Variants in GLIS3 observed in about 807,000 individuals in gnomAD.
GLIS3 encodes zinc finger protein GLIS3.
GLIS3 carries 53 observed loss-of-function variants against 78.6 expected under a neutral mutation model. That is an observed-to-expected ratio of 0.67 (90% CI 0.54 to 0.85). GLIS3 has a LOEUF of 0.85. Ranked by LOEUF, GLIS3 falls within the 40% of genes least tolerant of loss-of-function variation. The probability of loss-of-function intolerance (pLI) is 0.00; values close to 1 mark genes in which losing one functional copy is unlikely to be tolerated. For synonymous variants in GLIS3, 684 were observed against 509.9 expected, an observed-to-expected ratio of 1.34 and a Z score of -4.60; for missense variants, 1,703 against 1,231.1, an observed-to-expected ratio of 1.38 and a Z score of -5.74.
the GLIS3 span, among the ~76,000 whole-genome samples, chr9:4,479,141 G>C: frequency 6.6e-6 from 1 of 152,066 alleles, no homozygotes; most frequent in African/African-American, 2.4e-5. Flanking sequence ...GTCTAGACTG[G>C]TGTCAAACTA....
At chr9:4,437,408 G>A in the GLIS3 span, among the ~76,000 whole-genome samples, 1 of 84,102 alleles carries the variant, frequency 1.2e-5, no homozygotes, top group Non-Finnish European at 3.0e-5. Flanking sequence ...TTGACTGTAT[G>A]TATGTATGTA....
chr9:3,832,108 G>C (rs985296812), intron 9 of GLIS3, among the ~76,000 whole-genome samples: 1 of 151,344 alleles, frequency 6.6e-6, no homozygotes, highest in Admixed American at 6.6e-5. Flanking sequence ...TTTCCAATTT[G>C]TAAAATCAGG....
intron 8 of GLIS3, among the ~76,000 whole-genome samples, chr9:3,856,537 AT>A (rs1819803486): frequency 6.6e-6 from 1 of 152,120 alleles, no homozygotes; most frequent in Non-Finnish European, 1.5e-5. Flanking sequence ...TTTAAAATCT[AT>A]TTGCATTTAA....
At chr9:4,182,637 T>G (rs1390363650) in intron 2 of GLIS3, among the ~76,000 whole-genome samples, 1 of 152,134 alleles carries the variant, frequency 6.6e-6, no homozygotes, top group African/African-American at 2.4e-5. Context: ...CTCTTCATCT[T>G]CCTCTTTTAT....
At chr9:3,941,186 G>A (rs1488734958) in intron 4 of GLIS3, among the ~76,000 whole-genome samples, 1 of 152,144 alleles carries the variant, frequency 6.6e-6, no homozygotes, top group Non-Finnish European at 1.5e-5. Context: ...TGTGACAAAA[G>A]TAAAGCATTT....
chr9:3,894,522 C>G (rs1408892986), intron 7 of GLIS3, among the ~76,000 whole-genome samples: 2 of 152,028 alleles, frequency 1.3e-5, no homozygotes, highest in African/African-American at 4.8e-5. Flanking sequence ...AACTATTTCA[C>G]AAATTTCTGT....
chr9:4,366,311 T>C, the GLIS3 span, among the ~76,000 whole-genome samples: 1 of 152,074 alleles, frequency 6.6e-6, no homozygotes, highest in Non-Finnish European at 1.5e-5. Context: ...TAGAAAAGAG[T>C]AGACTTCTTT....
At chr9:3,844,472 G>A (rs970829331) in intron 9 of GLIS3, among the ~76,000 whole-genome samples, 1 of 152,092 alleles carries the variant, frequency 6.6e-6, no homozygotes, top group East Asian at 1.9e-4. Flanking sequence ...TGAGTTTCAG[G>A]TATAAGAACA....
chr9:4,291,881 C>A (rs1408906547), intron 1 of GLIS3, among the ~76,000 whole-genome samples: 1 of 152,136 alleles, frequency 6.6e-6, no homozygotes, highest in Non-Finnish European at 1.5e-5. Flanking sequence ...AATGTCACTA[C>A]TTTCACTAGT....
chr9:3,944,386 A>G (rs1231178232), intron 4 of GLIS3, among the ~76,000 whole-genome samples: 1 of 152,234 alleles, frequency 6.6e-6, no homozygotes, highest in African/African-American at 2.4e-5. Context: ...ACAGTGCAAC[A>G]TTGATATTTA....
At chr9:4,307,067 G>A (rs1435262672) in intron 4 of GLIS3, among the ~76,000 whole-genome samples, 5 of 152,196 alleles carry the variant, frequency 3.3e-5, no homozygotes, top group African/African-American at 4.8e-5. Context: ...GTTTAGTTAT[G>A]GCAATGATAA....
intron 4 of GLIS3, among the ~76,000 whole-genome samples, chr9:3,953,049 A>G (rs572551996): frequency 3.9e-5 from 6 of 152,294 alleles, no homozygotes; most frequent in Admixed American, 3.3e-4. Flanking sequence ...TGGGCTGGTG[A>G]AGAGTCAAGT....
chr9:4,268,219 G>A (rs1053990356), intron 2 of GLIS3, among the ~76,000 whole-genome samples: 3 of 148,980 alleles, frequency 2.0e-5, no homozygotes, highest in African/African-American at 7.4e-5. Flanking sequence ...TTGTAAAACA[G>A]GAGTCATAAT....
At chr9:4,208,407 G>C (rs1251538456) in intron 2 of GLIS3, among the ~76,000 whole-genome samples, 1 of 152,332 alleles carries the variant, frequency 6.6e-6, no homozygotes, top group South Asian at 2.1e-4. Context: ...CAAGGGGACT[G>C]AGCAAGGATC....
chr9:3,959,849 T>C (rs73386185), intron 4 of GLIS3, among the ~76,000 whole-genome samples: 7,726 of 152,258 alleles, frequency 0.051, 697 homozygotes, highest in African/African-American at 0.18. Flanking sequence ...GTGTGGTCCC[T>C]TTATAGAAAG....
chr9:4,205,882 T>C (rs1819830207), intron 2 of GLIS3, among the ~76,000 whole-genome samples: 1 of 152,184 alleles, frequency 6.6e-6, no homozygotes, highest in Non-Finnish European at 1.5e-5. Context: ...CTTTAAGAAA[T>C]ATGAATAAAA....
chr9:3,996,281 GAAGT>G lies in GLIS3; in HGVS notation c.1711-59096_1711-59093del, dbSNP rs149892406. ...TTCAGAAAAAAGAAAAAATATCTCA[GAAGT>G]AAGTTCAGATATAAAACAAAGAACA... On this transcript the variant is annotated intron_variant, in intron 4 of 10. Transcript: ENST00000381971. Among the ~76,000 whole-genome samples the G allele has an allele frequency of 2.7e-3, 409 of 152,184 alleles. 2 individuals carry two copies. Among genetic ancestry groups the G allele is most frequent in the Non-Finnish European group, 4.4e-3 (298 of 67,982 alleles).
chr9:4,364,258 C>T, the GLIS3 span, among the ~76,000 whole-genome samples: 189 of 152,308 alleles, frequency 1.2e-3, no homozygotes, highest in Non-Finnish European at 2.0e-3. Flanking sequence ...TCTCTGTAGA[C>T]CTTTGGTCAT....
intron 4 of GLIS3, among the ~76,000 whole-genome samples, chr9:3,969,203 C>T (rs1299306366): frequency 6.6e-6 from 1 of 152,206 alleles, no homozygotes; most frequent in African/African-American, 2.4e-5. Flanking sequence ...GAAGGTAAAA[C>T]AGACGATTAA....
Sources: gnomAD v4.1 joint callset for allele counts (sites outside exome capture counted in the v4.1 genomes callset) on GRCh38, gnomAD v4.1.1 for gene constraint, MANE v1.5 for transcripts, NCBI Gene and HGNC (gene_info 2026-07-23, HGNC 2026-07-21) for gene names.